Variants in NYAP2 observed in about 807,000 individuals in gnomAD.
NYAP2 encodes the protein neuronal tyrosine-phosphorylated phosphoinositide-3-kinase adaptor 2.
NYAP2 carries 23 observed loss-of-function variants against 50.4 expected under a neutral mutation model. The ratio of observed to expected loss-of-function variants is 0.46; its 90% confidence interval spans 0.33 to 0.65. The LOEUF (loss-of-function observed/expected upper bound fraction) is 0.65, where lower values mean the gene tolerates loss of function less well. Ranked by LOEUF, NYAP2 falls within the 30% of genes least tolerant of loss-of-function variation. NYAP2 has a pLI of 0.02. For synonymous variants in NYAP2, 394 were observed against 365.2 expected (o/e 1.08, Z -0.90); for missense variants, 885 against 861.0 (o/e 1.03, Z -0.35).
intron 4 of NYAP2, among the ~76,000 whole-genome samples, chr2:225,522,626 T>C (rs1691085333): frequency 6.6e-6 from 1 of 152,170 alleles, no homozygotes; most frequent in South Asian, 2.1e-4. Context: ...ATTCAGAAAA[T>C]ACTTTGAGTA....
chr2:225,575,112 C>A (rs779549757), intron 4 of NYAP2, among the ~76,000 whole-genome samples: 4 of 152,122 alleles, frequency 2.6e-5, no homozygotes, highest in Non-Finnish European at 2.9e-5. Flanking sequence ...TTCGTTAGGT[C>A]CACAGTTTCA....
chr2:225,462,828 TCTGA>T (rs1288683532), intron 3 of NYAP2, among the ~76,000 whole-genome samples: 6 of 152,198 alleles, frequency 3.9e-5, no homozygotes, highest in Admixed American at 3.9e-4. Flanking sequence ...TCCAGTGGCA[TCTGA>T]CTGTTTACCC....
chr2:225,687,907 A>C, the NYAP2 span, among the ~76,000 whole-genome samples: 1 of 152,298 alleles, frequency 6.6e-6, no homozygotes, highest in East Asian at 1.9e-4. Context: ...GGTATCTCTC[A>C]AAATGTGGTG....
chr2:225,398,689 G>C (rs1574593521), upstream of NYAP2, among the ~76,000 whole-genome samples: 1 of 151,548 alleles, frequency 6.6e-6, no homozygotes, highest in African/African-American at 2.4e-5. Flanking sequence ...TATGAGAGAG[G>C]TCTGGCCTCT....
At chr2:225,563,468 T>A (rs1005760593) in intron 4 of NYAP2, among the ~76,000 whole-genome samples, 1 of 151,962 alleles carries the variant, frequency 6.6e-6, no homozygotes, top group African/African-American at 2.4e-5. Context: ...GGGGTGAGCA[T>A]TGTGAGATGT....
chr2:225,403,180 T>C (rs1287580767), intron 2 of NYAP2, among the ~76,000 whole-genome samples: 2 of 151,966 alleles, frequency 1.3e-5, no homozygotes, highest in African/African-American at 4.8e-5. Flanking sequence ...TAGGATTCTC[T>C]ACCTCAAAGA....
chr2:225,562,470 G>A (rs1691892234), intron 4 of NYAP2, among the ~76,000 whole-genome samples: 1 of 152,102 alleles, frequency 6.6e-6, no homozygotes, highest in Non-Finnish European at 1.5e-5. Flanking sequence ...TAAGTACTGT[G>A]TACTTAAGGG....
At chr2:225,501,444 A>G (rs1690605463) in intron 3 of NYAP2, among the ~76,000 whole-genome samples, 1 of 152,212 alleles carries the variant, frequency 6.6e-6, no homozygotes, top group African/African-American at 2.4e-5. Flanking sequence ...TAAATAATGT[A>G]TAAAACAATA....
chr2:225,403,194 T>C (rs1307467886), intron 2 of NYAP2, among the ~76,000 whole-genome samples: 3 of 151,954 alleles, frequency 2.0e-5, no homozygotes, highest in Non-Finnish European at 4.4e-5. Flanking sequence ...TCAAAGAAGA[T>C]GCAATGATTG....
chr2:225,689,330 C>G, the NYAP2 span, among the ~76,000 whole-genome samples: 1 of 152,066 alleles, frequency 6.6e-6, no homozygotes, highest in African/African-American at 2.4e-5. Flanking sequence ...ACTTTTAAAT[C>G]TTCTTGATGA....
chr2:225,594,892 A>G (rs1279475923), intron 5 of NYAP2, among the ~76,000 whole-genome samples: 1 of 152,206 alleles, frequency 6.6e-6, no homozygotes, highest in Non-Finnish European at 1.5e-5. Context: ...GGCTATTGCT[A>G]TTTCCAAATG....
the NYAP2 span, among the ~76,000 whole-genome samples, chr2:225,675,071 T>C: frequency 1.3e-5 from 2 of 151,990 alleles, no homozygotes; most frequent in African/African-American, 4.8e-5. Context: ...AAGCCACATA[T>C]GTCATATTAG....
At chr2:225,511,359 CACACACACACACACAG>C (rs1156691694) in intron 3 of NYAP2, among the ~76,000 whole-genome samples, 19 of 142,472 alleles carry the variant, frequency 1.3e-4, no homozygotes, top group East Asian at 6.0e-4. Context: ...CACACACACA[CACACACACACACACAG>C]AGAGAGAGAG....
At chr2:225,572,526 G>T (rs1457187924) in intron 4 of NYAP2, among the ~76,000 whole-genome samples, 1 of 152,164 alleles carries the variant, frequency 6.6e-6, no homozygotes, top group Non-Finnish European at 1.5e-5. Flanking sequence ...ATTATCATGA[G>T]AACTGCATGG....
At chr2:225,645,057 C>T (rs1411605877) in intron 6 of NYAP2, among the ~76,000 whole-genome samples, 5 of 152,002 alleles carry the variant, frequency 3.3e-5, no homozygotes, top group Admixed American at 6.6e-5. Flanking sequence ...ATCAGGGGTT[C>T]GAGACCAGCT....
chr2:225,623,799 C>T (rs1374894268), intron 5 of NYAP2, among the ~76,000 whole-genome samples: 1 of 152,150 alleles, frequency 6.6e-6, no homozygotes, highest in Non-Finnish European at 1.5e-5. Context: ...TATTTCCAGA[C>T]ATAGCAGAGA....
chr2:225,686,502 A>G, the NYAP2 span, among the ~76,000 whole-genome samples: 1 of 152,188 alleles, frequency 6.6e-6, no homozygotes, highest in Non-Finnish European at 1.5e-5. Context: ...ACTTGTGAAT[A>G]TACTTACAGA....
chr2:225,587,122 A>G (rs1019439673), intron 5 of NYAP2, among the ~76,000 whole-genome samples: 21 of 152,190 alleles, frequency 1.4e-4, no homozygotes, highest in Admixed American at 1.1e-3. Flanking sequence ...CCATGATTCA[A>G]TCACCTCCCA....
intron 3 of NYAP2, among the ~76,000 whole-genome samples, chr2:225,503,736 A>G (rs1212348478): frequency 6.6e-6 from 1 of 152,220 alleles, no homozygotes. Context: ...CCTAGCCATG[A>G]TTACCCTAAG....
Sources: allele counts gnomAD v4.1 joint callset (sites outside exome capture counted in the v4.1 genomes callset), GRCh38; gene constraint gnomAD v4.1.1; transcripts MANE v1.5; gene names NCBI Gene and HGNC (gene_info 2026-07-23, HGNC 2026-07-21).